The following RALGPS1 variants were observed in gnomAD, a reference collection of about 807,000 sequenced individuals.
RALGPS1 encodes the protein ras-specific guanine nucleotide-releasing factor RalGPS1.
In RALGPS1, 19 loss-of-function variants were observed where a neutral mutation model predicts 78.8. The ratio of observed to expected loss-of-function variants is 0.24; its 90% CI spans 0.17 to 0.35. The LOEUF (loss-of-function observed/expected upper bound fraction) is 0.35, where lower values mean the gene tolerates loss of function less well. Ranked by LOEUF, RALGPS1 falls within the 10% of genes least tolerant of loss-of-function variation. RALGPS1 has a pLI of 1.00. For synonymous variants in RALGPS1, 228 were observed against 256.3 expected (o/e 0.89, Z 1.06); for missense variants, 454 against 688.3 (o/e 0.66, Z 3.81).
intron 1 of RALGPS1, among the ~76,000 whole-genome samples, chr9:126,953,259 C>G (rs1383741667): frequency 6.6e-6 from 1 of 152,174 alleles, no homozygotes; most frequent in Non-Finnish European, 1.5e-5. Context: ...GGTTCTGATA[C>G]AACTGCCACG....
chr9:127,126,746 A>C (rs968943301), intron 8 of RALGPS1, among the ~76,000 whole-genome samples: 31 of 152,212 alleles, frequency 2.0e-4, no homozygotes, highest in African/African-American at 7.2e-4. Context: ...CCACTGATTC[A>C]TTCTATCTTT....
At chr9:126,966,055 C>A in intron 3 of RALGPS1, 104 bp downstream of exon 3, 1 of 801,934 alleles carries the variant, frequency 1.2e-6, no homozygotes, top group Non-Finnish European at 2.2e-6. Flanking sequence ...TCTATATGCC[C>A]AGCAAGAGGG....
At position 127,070,439 on chromosome 9, in the gene RALGPS1, A is replaced by G. The variant is rs540175558; in HGVS notation, c.610+1083A>G. Among the ~76,000 whole-genome samples, 113 of 152,348 alleles carry G rather than the reference A, an allele frequency of 7.4e-4. 1 individual carries two copies. The highest frequency in any genetic ancestry group is 1.4e-3 in the Non-Finnish European group (93 of 68,026). On this transcript the variant is annotated intron_variant, in intron 8 of 18. Coordinates refer to ENST00000259351, the MANE Select transcript of RALGPS1 (RefSeq NM_014636.3). ...TTGTGATAAATTCCTAGAAGTGTGC[A>G]CAGCTTCAAAACGTATGCAAAAACG...
intron 1 of RALGPS1, among the ~76,000 whole-genome samples, chr9:126,934,033 C>T (rs1323919643): frequency 6.6e-6 from 1 of 152,164 alleles, no homozygotes; most frequent in African/African-American, 2.4e-5. Context: ...ACCTTACATG[C>T]TTATTTACCA....
chr9:126,952,673 G>GTGTGTGTGTGTC (rs771422718), intron 1 of RALGPS1, among the ~76,000 whole-genome samples: 1 of 106,906 alleles, frequency 9.4e-6, no homozygotes, highest in Non-Finnish European at 2.3e-5. Context: ...GTGTGTGTGT[G>GTGTGTGTGTGTC]TGTGTGTCTG....
intron 1 of RALGPS1, among the ~76,000 whole-genome samples, chr9:126,926,392 T>G (rs898063999): frequency 1.3e-5 from 2 of 152,202 alleles, no homozygotes; most frequent in Non-Finnish European, 2.9e-5. Flanking sequence ...TCACAGGCTC[T>G]TAAAGATTTT....
chr9:127,031,283 A>G (rs559449605), intron 4 of RALGPS1, among the ~76,000 whole-genome samples: 1 of 152,374 alleles, frequency 6.6e-6, no homozygotes, highest in African/African-American at 2.4e-5. Context: ...ACATTTTCCT[A>G]AACCCACTTA....
intron 14 of RALGPS1, among the ~76,000 whole-genome samples, chr9:127,201,205 T>G (rs1007474360): frequency 2.0e-5 from 3 of 152,356 alleles, no homozygotes; most frequent in Non-Finnish European, 2.9e-5. Flanking sequence ...TAGGTGATTT[T>G]GGGATCTCTT....
intron 4 of RALGPS1, among the ~76,000 whole-genome samples, chr9:127,008,105 C>T (rs982731074): frequency 1.1e-4 from 16 of 150,276 alleles, no homozygotes; most frequent in Non-Finnish European, 1.5e-4. Flanking sequence ...AAGGATATCT[C>T]CCAAGTTTCT....
chr9:126,989,895 A>G (rs1382900513), intron 4 of RALGPS1: 2 of 1,550,280 alleles, frequency 1.3e-6, no homozygotes, highest in Non-Finnish European at 1.7e-6. Flanking sequence ...GTTTGCAGAA[A>G]GGCTGGCCTG....
At chr9:127,139,106 C>T (rs931452732) in intron 8 of RALGPS1, among the ~76,000 whole-genome samples, 1 of 152,204 alleles carries the variant, frequency 6.6e-6, no homozygotes, top group Non-Finnish European at 1.5e-5. Flanking sequence ...AAGCCAGGGA[C>T]AGACCTCAGG....
intron 1 of RALGPS1, among the ~76,000 whole-genome samples, chr9:126,955,884 A>G (rs2038289212): frequency 1.3e-5 from 2 of 152,206 alleles, no homozygotes; most frequent in African/African-American, 2.4e-5. Flanking sequence ...ATGTTTAGGA[A>G]CGAGCTTTGG....
chr9:127,153,271 G>A lies in RALGPS1; in HGVS notation c.611-12798G>A, dbSNP rs1204412594. Among the ~76,000 whole-genome samples the A allele has an allele frequency of 2.6e-5, 4 of 151,876 alleles. No homozygotes were observed. In the South Asian group the frequency reaches 8.3e-4, roughly 32 times the overall value. On this transcript the variant is annotated intron_variant, in intron 8 of 18. Coordinates refer to ENST00000259351, the MANE Select transcript of RALGPS1 (RefSeq NM_014636.3). ...ATGAATGAACTCTGTGAATGCTGAA[G>A]ACATAGATAACCCTCTTTTGTCTCA...
chr9:126,944,452 C>T (rs571028625), intron 1 of RALGPS1, among the ~76,000 whole-genome samples: 16 of 152,170 alleles, frequency 1.1e-4, no homozygotes, highest in Admixed American at 2.0e-4. Flanking sequence ...TTGGCCCACA[C>T]GTAACAGGTG....
intron 8 of RALGPS1, chr9:127,108,308 G>C (rs747423032): frequency 3.7e-6 from 6 of 1,613,896 alleles, no homozygotes; most frequent in Non-Finnish European, 5.1e-6. Flanking sequence ...ATCTCGTGCA[G>C]GAGCTGCATG....
chr9:127,154,175 C>T lies in RALGPS1; in HGVS notation c.611-11894C>T, dbSNP rs554966162. Among the ~76,000 whole-genome samples the T allele has an allele frequency of 2.0e-3, 309 of 152,374 alleles. 2 individuals are homozygous for T. Among genetic ancestry groups the T allele is most frequent in the Non-Finnish European group, 3.2e-3 (221 of 68,034 alleles). ...TGGCCTGCCTTGGGTGAGACTGGCT[C>T]CCAGGCTTGGTGGGAATAGCGCTGC... On this transcript the variant is annotated intron_variant, in intron 8 of 18. Coordinates refer to ENST00000259351, the MANE Select transcript of RALGPS1 (RefSeq NM_014636.3).
intron 4 of RALGPS1, chr9:126,990,187 G>T: frequency 1.5e-6 from 1 of 668,828 alleles, no homozygotes. Context: ...GTGGAGATTG[G>T]TTTCCCTGAC....
intron 1 of RALGPS1, among the ~76,000 whole-genome samples, chr9:126,933,477 C>G (rs145102262): frequency 6.6e-6 from 1 of 152,116 alleles, no homozygotes; most frequent in African/African-American, 2.4e-5. Flanking sequence ...ACCAAGGGAG[C>G]GGCAGAGACT....
chr9:127,197,796 G>T (rs1031669946), intron 13 of RALGPS1, among the ~76,000 whole-genome samples: 13 of 152,196 alleles, frequency 8.5e-5, no homozygotes, highest in African/African-American at 3.1e-4. Flanking sequence ...GAGCAAAGGT[G>T]TGCAGGTTTC....
Sources: gnomAD v4.1 joint callset for allele counts (sites outside exome capture counted in the v4.1 genomes callset) on GRCh38, gnomAD v4.1.1 for gene constraint, MANE v1.5 for transcripts, NCBI Gene and HGNC (gene_info 2026-07-23, HGNC 2026-07-21) for gene names.